The following FLNB variants were observed in gnomAD, a reference collection of about 807,000 sequenced individuals.
The protein encoded by FLNB is filamin B, also known as filamin-B.
Under a neutral mutation model 250.6 loss-of-function variants are expected in FLNB, and 111 were observed. The observed-to-expected ratio is 0.44, with a 90% CI of 0.38 to 0.52. FLNB has a LOEUF of 0.52. FLNB is among the 20% of genes least tolerant of loss of function. The pLI, the probability that FLNB is intolerant of heterozygous loss-of-function variation, is 0.00. For synonymous variants in FLNB, 1,302 were observed against 1,372.1 expected (o/e 0.95, Z 1.13); for missense variants, 2,869 against 3,447.8 (o/e 0.83, Z 4.20).
At chr3:58,044,598 C>T (rs936128454) in intron 1 of FLNB, among the ~76,000 whole-genome samples, 2 of 152,132 alleles carry the variant, frequency 1.3e-5, no homozygotes, top group African/African-American at 4.8e-5. Context: ...GCGCTCCAGC[C>T]TGGGTGACAG....
At chr3:58,017,878 T>A (rs1421169211) in intron 1 of FLNB, among the ~76,000 whole-genome samples, 1 of 152,188 alleles carries the variant, frequency 6.6e-6, no homozygotes, top group Non-Finnish European at 1.5e-5. Context: ...AGACTGCCTA[T>A]CAGACTGAGT....
At chr3:58,090,922 C>A (rs1022114452) in intron 4 of FLNB, among the ~76,000 whole-genome samples, 1 of 151,788 alleles carries the variant, frequency 6.6e-6, no homozygotes, top group African/African-American at 2.4e-5. Flanking sequence ...ACTAAAAATA[C>A]AAAAAATTAG....
intron 16 of FLNB, among the ~76,000 whole-genome samples, chr3:58,110,779 C>T (rs1028010036): frequency 6.6e-6 from 1 of 152,162 alleles, no homozygotes; most frequent in Non-Finnish European, 1.5e-5. Flanking sequence ...TTAGTAGAGA[C>T]GGTTGCCCAG....
rs576273299 is a variant in FLNB at position 58,053,303 on chromosome 3, C to T, written c.293-23743C>T. On this transcript the variant is annotated intron_variant, in intron 1 of 45. Coordinates refer to ENST00000295956, the MANE Select transcript of FLNB (RefSeq NM_001457.4). ...GGCTCAGTCTATCCTCCTGCCTCAG[C>T]TGCCTGAATAGCTGGGACTGCAGGC... 2.2e-4 allele frequency among the ~76,000 whole-genome samples: 34 copies of T among 152,336 alleles called. No homozygotes were observed. The South Asian group carries it at 6.6e-3, about 30-fold the overall frequency.
chr3:58,008,983 A>G (rs2097094283), intron 1 of FLNB, 127 bp downstream of exon 1: 3 of 1,185,664 alleles, frequency 2.5e-6, no homozygotes, highest in Admixed American at 1.8e-5. Flanking sequence ...AGTCGTCCCC[A>G]GGGGTGGGTT....
Position 58,125,680 on chromosome 3 carries a change from C to A in FLNB, c.3998C>A (p.Ala1333Asp). Residue 1333 changes from alanine (A) to aspartate (D), a missense_variant, in exon 23 of 46, where the codon GCC (alanine) becomes GAC (aspartate). Ala to Asp is a moderately radical substitution (Grantham distance 126). This residue lies in a region of FLNB where 1,348 missense variants were observed against 1,466.7 expected (regional missense o/e 0.92). Transcript: ENST00000295956. ...GGCTGCCAGCCATCTAGGGTGCAAG[C>A]CCAAGGACCTGGATTGAAAGAGGCC... Reference protein sequence around the residue: ...TEGCQPSRVQAQGPGLKEAFT... With the variant: ...TEGCQPSRVQDQGPGLKEAFT... The A allele has an allele frequency of 6.2e-7, 1 of 1,614,170 alleles. No homozygotes were observed. Among genetic ancestry groups the A allele is most frequent in the East Asian group, 2.2e-5 (1 of 44,878 alleles).
intron 1 of FLNB, among the ~76,000 whole-genome samples, chr3:58,041,135 C>T (rs1413917560): frequency 6.6e-6 from 1 of 152,102 alleles, no homozygotes; most frequent in Non-Finnish European, 1.5e-5. Flanking sequence ...AGTGGCTGAG[C>T]CTGGAGCAGC....
chr3:58,107,072 C>T (rs1187604705), intron 12 of FLNB, among the ~76,000 whole-genome samples, 199 bp downstream of exon 12: 7 of 152,186 alleles, frequency 4.6e-5, no homozygotes, highest in Admixed American at 3.9e-4. Flanking sequence ...CTCTGTCGCC[C>T]AGGCTGGGGT....
intron 1 of FLNB, among the ~76,000 whole-genome samples, chr3:58,047,411 A>G (rs1013341989): frequency 6.6e-5 from 10 of 152,116 alleles, no homozygotes; most frequent in African/African-American, 2.2e-4. Context: ...GGATCTCACT[A>G]TGTTGTCCAG....
At chr3:58,110,204 G>C (rs1398901202) in intron 16 of FLNB, 34 bp downstream of exon 16, 1 of 1,610,940 alleles carries the variant, frequency 6.2e-7, no homozygotes, top group Admixed American at 1.7e-5. Context: ...GATGGGTGGA[G>C]TAGGCCTGGA....
Position 58,146,042 on chromosome 3 carries a change from A to G in FLNB, c.5547A>G (p.Ala1849=), listed in dbSNP as rs2097335335. Residue 1849 remains alanine (A), a synonymous_variant, in exon 33 of 46, where the codon GCA becomes GCG. Transcript: ENST00000295956. ...CCTTCACCATCGTCACAGAGGATGC[A>G]GGAGAAGGTACTGTGTGGTTTACGT... The part of the protein sequence containing the change: ...TATFTIVTED[A]GEGGLDLAIE... The G allele has an allele frequency of 6.2e-7, 1 of 1,614,202 alleles. No homozygotes were observed. Among genetic ancestry groups the G allele is most frequent in the Non-Finnish European group, 8.5e-7 (1 of 1,180,022 alleles).
intron 1 of FLNB, among the ~76,000 whole-genome samples, chr3:58,032,228 C>T (rs765808406): frequency 9.9e-5 from 15 of 152,240 alleles, no homozygotes; most frequent in South Asian, 6.2e-4. Flanking sequence ...CCACTGTGCC[C>T]GGCCTGTTTG....
intron 5 of FLNB, among the ~76,000 whole-genome samples, chr3:58,095,237 T>G (rs373053532): frequency 6.6e-6 from 1 of 150,714 alleles, no homozygotes; most frequent in Admixed American, 6.6e-5. Flanking sequence ...ATGTATTTAT[T>G]TATTTATTTA....
In FLNB at chr3:58,052,807, T is replaced by C. The variant is rs544897506; in HGVS notation, c.293-24239T>C. On this transcript the variant is annotated intron_variant, in intron 1 of 45. Transcript: ENST00000295956. ...TCAGAGGACGTTAGGGAGCACAGCT[T>C]TGTGTAAAGGGCATGCCCTGCCCTG... is the stretch of plus-strand genomic sequence containing the variant. Among the ~76,000 whole-genome samples the C allele has an allele frequency of 6.8e-4, 104 of 152,270 alleles. 1 individual carries two copies. Among genetic ancestry groups the C allele is most frequent in the African/African-American group, 2.4e-3 (100 of 41,558 alleles).
chr3:58,095,766 G>A (rs185450004), intron 5 of FLNB, among the ~76,000 whole-genome samples: 3 of 152,144 alleles, frequency 2.0e-5, no homozygotes, highest in Non-Finnish European at 2.9e-5. Context: ...CCCCCACCGG[G>A]GCAGGGATTG....
intron 1 of FLNB, among the ~76,000 whole-genome samples, chr3:58,042,826 C>T (rs542470790): frequency 8.9e-4 from 136 of 152,220 alleles, no homozygotes; most frequent in African/African-American, 2.9e-3. Context: ...AGATTTATCC[C>T]TTCTTTCATC....
chr3:58,020,774 G>A (rs2097112795), intron 1 of FLNB, among the ~76,000 whole-genome samples: 1 of 151,878 alleles, frequency 6.6e-6, no homozygotes, highest in Non-Finnish European at 1.5e-5. Context: ...AACACAGGGT[G>A]GAATTCTGGC....
chr3:58,071,071 C>G (rs1035617675), intron 1 of FLNB, among the ~76,000 whole-genome samples: 3 of 151,554 alleles, frequency 2.0e-5, no homozygotes, highest in African/African-American at 7.3e-5. Context: ...CTCAGCCTCT[C>G]AAGTACTAGT....
At chr3:58,165,487 T>G (rs1445179680) in intron 43 of FLNB, 1 of 152,242 alleles carries the variant, frequency 6.6e-6, no homozygotes, top group Non-Finnish European at 1.5e-5. Flanking sequence ...ACAGCTGCAG[T>G]GTGCATGGAA....
Sources: allele counts gnomAD v4.1 joint callset (sites outside exome capture counted in the v4.1 genomes callset), GRCh38; gene constraint gnomAD v4.1.1; regional missense constraint gnomAD v4.1.1; transcripts MANE v1.5; gene names NCBI Gene and HGNC (gene_info 2026-07-23, HGNC 2026-07-21).